The following MYO1B variants were observed in gnomAD, a reference collection of about 807,000 sequenced individuals.
The protein encoded by MYO1B is unconventional myosin-Ib.
Under a neutral mutation model 159.7 loss-of-function variants are expected in MYO1B, and 72 were observed. That is an observed-to-expected ratio of 0.45 (90% CI 0.37 to 0.55). The LOEUF is 0.55. Among genes scored for constraint, MYO1B ranks in the 20% least tolerant of loss-of-function variants. MYO1B has a pLI of 0.00. For missense variants in MYO1B, 1,062 were observed against 1,364.8 expected (o/e 0.78, Z 3.50); for synonymous variants, 468 against 473.8 (o/e 0.99, Z 0.16).
intron 26 of MYO1B, 62 bp downstream of exon 26, chr2:191,409,240 C>T (rs961286028): frequency 5.1e-5 from 77 of 1,514,410 alleles, no homozygotes; most frequent in Non-Finnish European, 6.4e-5. Flanking sequence ...TGTTTAAAAA[C>T]ACATAAAATC....
intron 5 of MYO1B, 134 bp downstream of exon 5, chr2:191,341,699 C>A: frequency 1.6e-6 from 1 of 615,242 alleles, no homozygotes; most frequent in Non-Finnish European, 2.8e-6. Context: ...CCAAGACCTG[C>A]TGAGCAAATA....
intron 1 of MYO1B, among the ~76,000 whole-genome samples, chr2:191,254,860 A>T (rs1686341887): frequency 6.6e-6 from 1 of 152,116 alleles, no homozygotes; most frequent in African/African-American, 2.4e-5. Context: ...TAATGTGTTC[A>T]TTTATTAACT....
chr2:191,333,535 C>T (rs749367822), intron 4 of MYO1B, among the ~76,000 whole-genome samples: 12 of 152,154 alleles, frequency 7.9e-5, no homozygotes, highest in Non-Finnish European at 1.8e-4. Flanking sequence ...CAGGCTCTCT[C>T]TTCCTTTTCT....
intron 2 of MYO1B, among the ~76,000 whole-genome samples, chr2:191,294,058 A>G (rs13027086): frequency 0.36 from 54,323 of 152,102 alleles, 10,184 homozygotes; most frequent in Middle Eastern, 0.53. Context: ...ATTGTACATC[A>G]TGGTGGGCCA....
At chr2:191,266,404 G>C (rs1195314594) in intron 1 of MYO1B, among the ~76,000 whole-genome samples, 1 of 152,202 alleles carries the variant, frequency 6.6e-6, no homozygotes, top group Non-Finnish European at 1.5e-5. Context: ...ATTCCAGCCT[G>C]GGTCTGTGGC....
chr2:191,402,270 A>G (rs993618614), intron 23 of MYO1B: 3 of 278,068 alleles, frequency 1.1e-5, no homozygotes, highest in African/African-American at 2.3e-5. Flanking sequence ...TGACATCATT[A>G]GGGCTGTTAC....
At position 191,392,047 on chromosome 2, in the gene MYO1B, T is replaced by C. The variant is rs148393361; in HGVS notation, c.1983-61T>C. Reference sequence around the variant, plus strand: ...TACCACTGAGAACCTGATACCATGATAGAAGATAAAACTATTTTTGTAACT... The same window carrying C: ...TACCACTGAGAACCTGATACCATGACAGAAGATAAAACTATTTTTGTAACT... On this transcript the variant is annotated intron_variant, in intron 18 of 30. Transcript: ENST00000392318. 3.2e-6 allele frequency: 4 copies of C among 1,249,582 alleles called. No individual in the cohort carries two copies. The East Asian group carries it at 9.4e-5, about 29-fold the overall frequency. The allele number at this position is 1,249,582 out of a possible 1,614,324, so 77.4% of individuals were successfully genotyped here. A position where few individuals can be genotyped will look rare whatever the true frequency, so the allele number is the denominator to read the frequency against.
At chr2:191,360,564 G>T in intron 7 of MYO1B, 67 bp from the exon 8 acceptor site, 1 of 963,478 alleles carries the variant, frequency 1.0e-6, no homozygotes, top group Non-Finnish European at 1.6e-6. Context: ...AAAGTGAGAA[G>T]GAAAAAAAGC....
chr2:191,343,446 A>G (rs1692354378), intron 5 of MYO1B, among the ~76,000 whole-genome samples: 1 of 152,176 alleles, frequency 6.6e-6, no homozygotes, highest in Non-Finnish European at 1.5e-5. Context: ...AGGACACACC[A>G]TGCATCTGTA....
At chr2:191,401,885 T>G (rs1238277792) in intron 23 of MYO1B, 2 of 152,222 alleles carry the variant, frequency 1.3e-5, no homozygotes, top group African/African-American at 4.8e-5. Context: ...CCAGTCTCAG[T>G]ACTATAATAT....
chr2:191,391,806 T>C (rs1695768955), intron 18 of MYO1B, among the ~76,000 whole-genome samples: 2 of 152,244 alleles, frequency 1.3e-5, no homozygotes, highest in South Asian at 4.1e-4. Flanking sequence ...CTGGCCCAGG[T>C]TGGTACATCA....
intron 27 of MYO1B, among the ~76,000 whole-genome samples, chr2:191,411,705 C>T (rs868303694): frequency 9.9e-5 from 15 of 152,138 alleles, no homozygotes; most frequent in Admixed American, 5.2e-4. Flanking sequence ...GTGGCCTGTA[C>T]AGCACGTTCA....
At chr2:191,390,641 T>C in intron 18 of MYO1B, 149 bp downstream of exon 18, 3 of 934,038 alleles carry the variant, frequency 3.2e-6, no homozygotes, top group Non-Finnish European at 4.6e-6. Context: ...GGATACCATT[T>C]TGTGCTAAGG....
intron 4 of MYO1B, among the ~76,000 whole-genome samples, chr2:191,336,451 CCT>C (rs1294315363): frequency 2.0e-5 from 3 of 152,066 alleles, no homozygotes; most frequent in Non-Finnish European, 4.4e-5. Context: ...TTGTTTTTCC[CCT>C]GTGTGAGAAA....
chr2:191,400,829 A>ATC lies in MYO1B; in HGVS notation c.2465_2466dup (p.Lys823LeufsTer7), dbSNP rs777273968. 1.9e-6 allele frequency: 3 copies of ATC among 1,613,768 alleles called. No individual in the cohort carries two copies. The highest frequency in any genetic ancestry group is 1.7e-6 in the Non-Finnish European group (2 of 1,179,814). On this transcript the variant is annotated frameshift_variant, in exon 23 of 31. Coordinates refer to ENST00000392318, the MANE Select transcript of MYO1B (RefSeq NM_001130158.3). LOFTEE classifies it high-confidence loss of function. The stretch of plus-strand genomic sequence containing the variant: ...CAGTTATTTGGGCTTACTGGCTTGG[A>ATC]TCTAAGGTACTTGATGCACATATCC...
intron 24 of MYO1B, among the ~76,000 whole-genome samples, chr2:191,405,519 G>A (rs1231598354): frequency 6.6e-6 from 1 of 152,192 alleles, no homozygotes; most frequent in East Asian, 1.9e-4. Flanking sequence ...TCTATGGCAG[G>A]TATAGCCTTA....
chr2:191,352,251 A>T (rs1339462935), intron 7 of MYO1B, among the ~76,000 whole-genome samples: 1 of 152,218 alleles, frequency 6.6e-6, no homozygotes, highest in Non-Finnish European at 1.5e-5. Flanking sequence ...GGAATGATTA[A>T]TATTTATTCT....
At chr2:191,255,843 A>G (rs971145849) in intron 1 of MYO1B, among the ~76,000 whole-genome samples, 4 of 152,156 alleles carry the variant, frequency 2.6e-5, no homozygotes, top group African/African-American at 9.7e-5. Flanking sequence ...TCTGCTGGAC[A>G]CGAGCGTCCT....
chr2:191,364,998 C>G (rs979975641), intron 11 of MYO1B, among the ~76,000 whole-genome samples: 1 of 151,552 alleles, frequency 6.6e-6, no homozygotes, highest in African/African-American at 2.5e-5. Flanking sequence ...TGAACCCCCT[C>G]TACCCTTGAT....
Sources: gnomAD v4.1 joint callset for allele counts (sites outside exome capture counted in the v4.1 genomes callset) on GRCh38, gnomAD v4.1.1 for gene constraint, MANE v1.5 for transcripts, NCBI Gene and HGNC (gene_info 2026-07-23, HGNC 2026-07-21) for gene names.